Variants in RBM33 observed in about 807,000 individuals in gnomAD.
RBM33 encodes the protein RNA binding motif protein 33.
Under a neutral mutation model 132.6 loss-of-function variants are expected in RBM33, and 28 were observed. The observed-to-expected ratio is 0.21, with a 90% CI of 0.16 to 0.29. The LOEUF (loss-of-function observed/expected upper bound fraction) is 0.29, where lower values mean the gene tolerates loss of function less well. RBM33 is among the 10% of genes least tolerant of loss of function. RBM33 has a pLI of 1.00. For missense variants in RBM33, 1,291 were observed against 1,518.5 expected, an observed-to-expected ratio of 0.85 and a Z score of 2.49; for synonymous variants, 634 against 593.0, an observed-to-expected ratio of 1.07 and a Z score of -1.01.
At chr7:155,768,840 C>T (rs1230224672) in intron 16 of RBM33, among the ~76,000 whole-genome samples, 1 of 152,094 alleles carries the variant, frequency 6.6e-6, no homozygotes, top group Non-Finnish European at 1.5e-5. Context: ...GTCTTGATCT[C>T]CTGACCTCGT....
intron 5 of RBM33, among the ~76,000 whole-genome samples, chr7:155,684,647 G>A (rs1054539811): frequency 6.6e-6 from 1 of 152,106 alleles, no homozygotes; most frequent in Non-Finnish European, 1.5e-5. Context: ...TGGCTCTTCC[G>A]TGCTGTTGAT....
At chr7:155,729,710 CTG>C (rs1800896888) in intron 9 of RBM33, among the ~76,000 whole-genome samples, 1 of 147,344 alleles carries the variant, frequency 6.8e-6, no homozygotes, top group African/African-American at 2.5e-5. Context: ...ATACTCCAGT[CTG>C]TGTGACAAAG....
In RBM33 at chr7:155,673,625, TACACAC is replaced by T. The variant is rs1173297353; in HGVS notation, c.171+712_171+717del. Among the ~76,000 whole-genome samples, 31 of 30,040 alleles carry T rather than the reference TACACAC, an allele frequency of 1.0e-3. 2 individuals are homozygous for T. Among genetic ancestry groups the T allele is most frequent in the Non-Finnish European group, 2.5e-3 (26 of 10,266 alleles). The allele number at this position is 30,040 out of a possible 152,430, so 19.7% of individuals were successfully genotyped here. A position where few individuals can be genotyped will look rare whatever the true frequency, so the allele number is the denominator to read the frequency against. The stretch of plus-strand genomic sequence containing the variant: ...ATATACATACACACGTGTATATATA[TACACAC>T]ATATACATACACACGTGTATATATA... On this transcript the variant is annotated intron_variant, in intron 3 of 17. Transcript: ENST00000401878.
At chr7:155,690,741 G>A (rs1348568600) in intron 5 of RBM33, among the ~76,000 whole-genome samples, 1 of 152,052 alleles carries the variant, frequency 6.6e-6, no homozygotes, top group Non-Finnish European at 1.5e-5. Flanking sequence ...TAGTTTGGCT[G>A]GATATGAAAT....
chr7:155,684,945 T>C, intron 5 of RBM33: 1 of 1,550,352 alleles, frequency 6.5e-7, no homozygotes, highest in Admixed American at 2.0e-5. Context: ...TGAAGAATAC[T>C]TGCAGGCTTA....
At chr7:155,671,903 G>GAA (rs1798950346) in intron 2 of RBM33, among the ~76,000 whole-genome samples, 1 of 152,100 alleles carries the variant, frequency 6.6e-6, no homozygotes, top group African/African-American at 2.4e-5. Flanking sequence ...AAATGCAGTG[G>GAA]AAAATGTCTT....
chr7:155,683,735 T>A (rs780477167), intron 5 of RBM33, among the ~76,000 whole-genome samples: 35 of 152,224 alleles, frequency 2.3e-4, no homozygotes, highest in Non-Finnish European at 4.7e-4. Context: ...ATTGGTTTAG[T>A]CGACAAAATA....
At chr7:155,700,706 T>A (rs756677926) in intron 5 of RBM33, 67 bp from the exon 6 acceptor site, 2 of 1,150,196 alleles carry the variant, frequency 1.7e-6, no homozygotes, top group Non-Finnish European at 2.4e-6. Flanking sequence ...TTTAGCATTC[T>A]TTAATATTTA....
rs201214414 is a variant in RBM33 at position 155,774,524 on chromosome 7, C to A, written c.3376-35C>A. 1.2e-5 allele frequency: 18 copies of A among 1,444,038 alleles called. No individual in the cohort carries two copies. In the East Asian group the frequency reaches 4.1e-4, roughly 33 times the overall value. 89.5% of individuals were successfully genotyped at this position (1,444,038 alleles called of 1,614,324 possible). A position where few individuals can be genotyped will look rare whatever the true frequency, so the allele number is the denominator to read the frequency against. On this transcript the variant is annotated intron_variant, in intron 16 of 17. Transcript: ENST00000401878. The surrounding 1 kb of genome is among the most constrained non-coding windows in gnomAD (Gnocchi z 4.2). Reference sequence around the variant, plus strand: ...TATTCATATTTTTTATTGTCATTTACAACTGATCTTAAAGTGTTTGTTTTC... The same window carrying A: ...TATTCATATTTTTTATTGTCATTTAAAACTGATCTTAAAGTGTTTGTTTTC...
rs1802222859 is a variant in RBM33 at position 155,766,501 on chromosome 7, G to T, written c.3221G>T (p.Gly1074Val). Reference sequence around the variant, plus strand: ...CACGGACGAGGCAGAGGAGTGGCCGGTCCCATGGGCCGGGGGCGCCTGATG... The same window carrying T: ...CACGGACGAGGCAGAGGAGTGGCCGTTCCCATGGGCCGGGGGCGCCTGATG... ...IMHGRGRGVAGPMGRGRLMPN... is the reference protein window; with the variant it reads ...IMHGRGRGVAVPMGRGRLMPN... Residue 1074 changes from glycine (G) to valine (V), a missense_variant, in exon 16 of 18, where the codon GGT becomes GTT. Physicochemically the swap from Gly to Val is moderately radical, Grantham distance 109. Transcript: ENST00000401878. The T allele has an allele frequency of 6.2e-7, 1 of 1,613,732 alleles. No individual in the cohort carries two copies. The highest frequency in any genetic ancestry group is 8.5e-7 in the Non-Finnish European group (1 of 1,179,838).
chr7:155,645,287 G>T, intron 1 of RBM33: 1 of 213,154 alleles, frequency 4.7e-6, no homozygotes, highest in Non-Finnish European at 9.3e-6. Flanking sequence ...AGGGAGAGCG[G>T]GGCAGGTCGC....
intron 1 of RBM33, 50 bp downstream of exon 1, chr7:155,644,969 G>A (rs575282854): frequency 2.8e-6 from 4 of 1,412,228 alleles, no homozygotes; most frequent in Admixed American, 5.1e-5. Context: ...CGCGGTGGGC[G>A]GGGGTGTAGG....
In RBM33 at chr7:155,737,511, T is replaced by C; in HGVS notation, c.1261-19T>C. 1 of 1,577,336 alleles carries C rather than the reference T, an allele frequency of 6.3e-7. No individual in the cohort carries two copies. Among genetic ancestry groups the C allele is most frequent in the Non-Finnish European group, 8.6e-7 (1 of 1,167,088 alleles). ...TCTGTCCTTCACCCTGTTTCTCTGT[T>C]GTTGTTGTTGTTCTTTAGGGCCCTC... On this transcript the variant is annotated intron_variant, in intron 9 of 17. Transcript: ENST00000401878.
chr7:155,705,319 A>G (rs962141827), intron 6 of RBM33, among the ~76,000 whole-genome samples: 2 of 152,232 alleles, frequency 1.3e-5, no homozygotes, highest in Non-Finnish European at 2.9e-5. Context: ...GGATAGTGAA[A>G]TTAATCTTGA....
chr7:155,663,545 A>G (rs930267317), intron 1 of RBM33, among the ~76,000 whole-genome samples: 1 of 152,190 alleles, frequency 6.6e-6, no homozygotes, highest in African/African-American at 2.4e-5. Context: ...GGCAGCACCA[A>G]GCCATGCCGG....
At chr7:155,766,403 T>G in intron 15 of RBM33, 64 bp from the exon 16 acceptor site, 1 of 1,526,396 alleles carries the variant, frequency 6.6e-7, no homozygotes, top group South Asian at 1.2e-5. Context: ...CACTTTTATA[T>G]CTTAGTGACT....
intron 7 of RBM33, 151 bp from the exon 8 acceptor site, chr7:155,711,052 G>T: frequency 1.8e-6 from 2 of 1,102,960 alleles, no homozygotes; most frequent in Non-Finnish European, 2.4e-6. Context: ...GATACAAGTT[G>T]TTACTACAGA....
At chr7:155,672,199 CCTT>C (rs1347929192) in intron 2 of RBM33, among the ~76,000 whole-genome samples, 2 of 150,770 alleles carry the variant, frequency 1.3e-5, no homozygotes, top group Admixed American at 6.6e-5. Context: ...TGCATCTTTT[CCTT>C]CTTCATTAAG....
chr7:155,661,230 C>T (rs972456999), intron 1 of RBM33, among the ~76,000 whole-genome samples: 4 of 148,646 alleles, frequency 2.7e-5, no homozygotes, highest in Admixed American at 6.7e-5. Context: ...TCTCTGCCTC[C>T]CTGGTTCAAG....
Sources: gnomAD v4.1 joint callset for allele counts (sites outside exome capture counted in the v4.1 genomes callset) on GRCh38, gnomAD v4.1.1 for gene constraint, Gnocchi (gnomAD v3.1) non-coding constraint, MANE v1.5 for transcripts, NCBI Gene and HGNC (gene_info 2026-07-23, HGNC 2026-07-21) for gene names.